Variants in CTR9 observed in about 807,000 individuals in gnomAD.
CTR9 encodes CTR9 component of Paf1/RNA polymerase II complex, also known as RNA polymerase-associated protein CTR9 homolog.
Under a neutral mutation model 152.1 loss-of-function variants are expected in CTR9, and 41 were observed. That is an observed-to-expected ratio of 0.27 (90% confidence interval 0.21 to 0.35). The LOEUF (loss-of-function observed/expected upper bound fraction) is 0.35, where lower values mean the gene tolerates loss of function less well. Ranked by LOEUF, CTR9 falls within the 10% of genes least tolerant of loss-of-function variation. The pLI, the probability that CTR9 is intolerant of heterozygous loss-of-function variation, is 1.00. For missense variants in CTR9, 917 were observed against 1,424.4 expected (o/e 0.64, Z 5.73); for synonymous variants, 476 against 496.2 (o/e 0.96, Z 0.54).
rs191895962 is a variant in CTR9, at chr11:10,775,068, C to T, written c.2886-139C>T. 3.3e-3 allele frequency: 2,174 copies of T among 657,440 alleles called. 19 individuals are homozygous for T. Among genetic ancestry groups the T allele is most frequent in the Non-Finnish European group, 3.2e-3 (1,212 of 383,488 alleles). 40.7% of individuals were successfully genotyped at this position (657,440 alleles called of 1,614,324 possible). On this transcript the variant is annotated intron_variant, in intron 22 of 24. Coordinates refer to ENST00000361367, the MANE Select transcript of CTR9 (RefSeq NM_014633.5). ...GCAAGAGTAAGTTATGTCCCCTGCC[C>T]TTGAGGAGTGTACAGTATGATTGAG...
At chr11:10,778,633 A>G (rs749397797) in intron 24 of CTR9, 46 bp from the exon 25 acceptor site, 4 of 1,566,670 alleles carry the variant, frequency 2.6e-6, no homozygotes, top group Non-Finnish European at 3.5e-6. Context: ...TCAAGGCCCC[A>G]GTTAGCCAGA....
Position 10,761,993 on chromosome 11 carries a change from C to T in CTR9, c.788C>T (p.Thr263Ile). 1 of 1,611,572 alleles carries T rather than the reference C, an allele frequency of 6.2e-7. No homozygotes were observed. Among genetic ancestry groups the T allele is most frequent in the South Asian group, 1.1e-5 (1 of 90,440 alleles). The stretch of plus-strand genomic sequence containing the variant: ...GTCCAGCTTCTTTCCAGAGCCTATA[C>T]TATTGATCCTAGCAACCCTATGGTA... ...NGVQLLSRAY[T>I]IDPSNPMVLN... Residue 263 changes from threonine to isoleucine, a missense_variant, in exon 7 of 25, where the codon ACT becomes ATT. Physicochemically the swap from Thr to Ile is moderately conservative, Grantham distance 89. Coordinates refer to ENST00000361367, the MANE Select transcript of CTR9 (RefSeq NM_014633.5).
rs1021509087 is a variant in CTR9 at position 10,760,073 on chromosome 11, G to A, written c.593-100G>A. On this transcript the variant is annotated intron_variant, in intron 5 of 24. Coordinates refer to ENST00000361367, the MANE Select transcript of CTR9 (RefSeq NM_014633.5). The stretch of plus-strand genomic sequence containing the variant: ...GTGTAGTTATACTGAGGTTAATTTT[G>A]GGGATTTTGCAACTCATAAATAGAG... 5 of 1,315,382 alleles carry A rather than the reference G, an allele frequency of 3.8e-6. 1 individual carries two copies. The highest frequency in any genetic ancestry group is 4.0e-5 in the Admixed American group (2 of 49,746). The allele number at this position is 1,315,382 out of a possible 1,614,324, so 81.5% of individuals were successfully genotyped here.
At chr11:10,766,572 C>A (rs1863063164) in intron 13 of CTR9, 82 bp downstream of exon 13, 2 of 926,626 alleles carry the variant, frequency 2.2e-6, no homozygotes, top group Non-Finnish European at 3.2e-6. Flanking sequence ...CTTTTAATGG[C>A]TACATCTTCC....
intron 24 of CTR9, among the ~76,000 whole-genome samples, chr11:10,776,502 A>G (rs1863236843): frequency 6.6e-6 from 1 of 152,154 alleles, no homozygotes; most frequent in African/African-American, 2.4e-5. Flanking sequence ...GTCTCTTAAT[A>G]CTGTACTACA....
At position 10,756,827 on chromosome 11, in the gene CTR9, C is replaced by G; in HGVS notation, c.581C>G (p.Pro194Arg). The change falls in exon 5 of 25, where the codon CCA becomes CGA. Residue 194 changes from proline (P) to arginine (R), a missense_variant. Pro to Arg is a moderately radical substitution (Grantham distance 103). Transcript: ENST00000361367. The stretch of plus-strand genomic sequence containing the variant: ...TATAAGAAAGCATTGCGTACTAACC[C>G]AGGATGTCCAGGTAAGAGAAAAATT... ...AYYKKALRTN[P>R]GCPAEVRLGM... The G allele has an allele frequency of 1.9e-6, 3 of 1,610,764 alleles. No individual in the cohort carries two copies. The highest frequency in any genetic ancestry group is 2.5e-6 in the Non-Finnish European group (3 of 1,177,726).
rs1863279935 is a variant in CTR9 at position 10,778,701 on chromosome 11, A to G, written c.3118A>G (p.Asn1040Asp). The G allele has an allele frequency of 1.2e-6, 2 of 1,612,540 alleles. No homozygotes were observed. The highest frequency in any genetic ancestry group is 4.5e-5 in the East Asian group (2 of 44,854). ...CAGACATCCCAGGAACAGCAACAGC[A>G]ACAGTGACTCAGACGAGGACGAACA... ...DEGHPRNSNS[N>D]SDSDEDEQRK... Residue 1040 changes from asparagine to aspartate, a missense_variant, in exon 25 of 25, where the codon AAC (asparagine) becomes GAC (aspartate). Asn to Asp is a conservative substitution (Grantham distance 23). Coordinates refer to ENST00000361367, the MANE Select transcript of CTR9 (RefSeq NM_014633.5).
intron 18 of CTR9, 88 bp from the exon 19 acceptor site, chr11:10,771,457 A>C: frequency 6.4e-6 from 6 of 935,050 alleles, no homozygotes; most frequent in Non-Finnish European, 8.4e-6. Flanking sequence ...CTTTTCTCAG[A>C]CTTTGTAGCA....
At chr11:10,764,811 T>G in intron 12 of CTR9, 80 bp downstream of exon 12, 1 of 1,267,274 alleles carries the variant, frequency 7.9e-7, no homozygotes. Flanking sequence ...GAAAAAAATT[T>G]AGAATTGATA....
intron 20 of CTR9, 106 bp downstream of exon 20, chr11:10,772,761 TCTAA>T: frequency 8.5e-7 from 1 of 1,175,354 alleles, no homozygotes; most frequent in Non-Finnish European, 1.2e-6. Flanking sequence ...GGCTGACACC[TCTAA>T]TTCCAACACT....
chr11:10,771,627 T>A lies in CTR9; in HGVS notation c.2444+11T>A. The A allele has an allele frequency of 6.2e-7, 1 of 1,601,470 alleles. No individual in the cohort carries two copies. The highest frequency in any genetic ancestry group is 8.6e-7 in the Non-Finnish European group (1 of 1,168,592). ...TGCTACAGAAGCCAGGTAATGTTAC[T>A]ATTTATGGAAGGTGACTTTGGGTGA... On this transcript the variant is annotated intron_variant, in intron 19 of 24. Transcript: ENST00000361367.
At chr11:10,764,799 C>T in intron 12 of CTR9, 68 bp downstream of exon 12, 1 of 1,382,570 alleles carries the variant, frequency 7.2e-7, no homozygotes, top group Non-Finnish European at 9.7e-7. Context: ...AAAATTTAGC[C>T]TGAAAAAAAT....
chr11:10,762,730 G>A (rs964067322), intron 7 of CTR9, among the ~76,000 whole-genome samples: 4 of 152,168 alleles, frequency 2.6e-5, no homozygotes, highest in African/African-American at 9.7e-5. Flanking sequence ...TCTACTGGGA[G>A]TAGTGGCTCA....
At chr11:10,772,886 G>T (rs1003972165) in intron 20 of CTR9, among the ~76,000 whole-genome samples, 1 of 152,032 alleles carries the variant, frequency 6.6e-6, no homozygotes, top group Non-Finnish European at 1.5e-5. Context: ...AATTAGCCAG[G>T]AGTGGTGGCA....
rs530409686 is a variant in CTR9, at chr11:10,779,095, A to T, written c.3512A>T (p.Asp1171Val). 6.2e-7 allele frequency: 1 copy of T among 1,606,614 alleles called. No homozygotes were observed. Among genetic ancestry groups the T allele is most frequent in the Non-Finnish European group, 8.5e-7 (1 of 1,174,812 alleles). The change falls in exon 25 of 25, where the codon GAT (aspartate) becomes GTT (valine). Residue 1171 changes from aspartate (D) to valine (V), a missense_variant. Physicochemically the swap from Asp to Val is radical, Grantham distance 152. Around this residue, in one of 9 missense-constraint regions of CTR9, gnomAD observed 384 missense variants for 398.4 expected, o/e 0.96. Transcript: ENST00000361367. ...SDRGSEHGSD[D>V]SD Reference sequence around the variant, plus strand: ...AGAGGCTCAGAACATGGGTCAGATGATAGTGACTAGGTTTTATTTCATCAA... The same window carrying T: ...AGAGGCTCAGAACATGGGTCAGATGTTAGTGACTAGGTTTTATTTCATCAA...
chr11:10,763,093 G>A (rs929140193), intron 7 of CTR9, among the ~76,000 whole-genome samples: 20 of 150,518 alleles, frequency 1.3e-4, no homozygotes, highest in African/African-American at 4.4e-4. Flanking sequence ...TTCCCATTTT[G>A]TGGGTGGATA....
chr11:10,751,744 G>A (rs1299286504), intron 1 of CTR9, among the ~76,000 whole-genome samples: 1 of 152,220 alleles, frequency 6.6e-6, no homozygotes, highest in Middle Eastern at 3.4e-3. Flanking sequence ...ACCAACCCAC[G>A]GGAGCAGAGG....
chr11:10,766,320 A>G lies in CTR9; in HGVS notation c.1598-82A>G, dbSNP rs566414442. On this transcript the variant is annotated intron_variant, in intron 12 of 24. Transcript: ENST00000361367. ...TTTATGGCGGTATTAATGAAAAAAA[A>G]TTGTTTCAAAAGTATGACTTTAAAA... 6 of 1,081,650 alleles carry G rather than the reference A, an allele frequency of 5.5e-6. No homozygotes were observed. In the South Asian group the frequency reaches 7.0e-5, roughly 13 times the overall value. 67.0% of individuals were successfully genotyped at this position (1,081,650 alleles called of 1,614,324 possible).
rs1316822276 is a variant in CTR9, at chr11:10,756,745, A to G, written c.503-4A>G. ...ACTGTGTTTATTTTTAAAAATCATTACAGGTAAAGCTTGCATTTCCTTCAA... is the reference window on the plus strand; with the variant it reads ...ACTGTGTTTATTTTTAAAAATCATTGCAGGTAAAGCTTGCATTTCCTTCAA... On this transcript the variant is annotated splice_region_variant and splice_polypyrimidine_tract_variant and intron_variant, in intron 4 of 24. Coordinates refer to ENST00000361367, the MANE Select transcript of CTR9 (RefSeq NM_014633.5). 1.5e-5 allele frequency: 24 copies of G among 1,601,444 alleles called. No homozygotes were observed. Among genetic ancestry groups the G allele is most frequent in the Non-Finnish European group, 2.0e-5 (24 of 1,173,178 alleles).
Sources: gnomAD v4.1 joint callset for allele counts (sites outside exome capture counted in the v4.1 genomes callset) on GRCh38, gnomAD v4.1.1 for gene constraint, gnomAD v4.1.1 regional missense constraint, MANE v1.5 for transcripts, NCBI Gene and HGNC (gene_info 2026-07-23, HGNC 2026-07-21) for gene names.